ZNF438: variants seen among roughly 807,000 people sequenced by gnomAD.
ZNF438 encodes zinc finger protein 438.
ZNF438 carries 25 observed loss-of-function variants against 38.0 expected under a neutral mutation model. That is an observed-to-expected ratio of 0.66 (90% CI 0.48 to 0.92). ZNF438 has a LOEUF of 0.92. ZNF438 is among the 40% of genes least tolerant of loss of function. ZNF438 has a pLI of 0.00. For missense variants in ZNF438, 1,007 were observed against 999.6 expected, an observed-to-expected ratio of 1.01 and a Z score of -0.10; for synonymous variants, 372 against 364.1, an observed-to-expected ratio of 1.02 and a Z score of -0.25.
intron 2 of ZNF438, among the ~76,000 whole-genome samples, chr10:30,937,729 A>G (rs2046401928): frequency 6.6e-6 from 1 of 152,226 alleles, no homozygotes; most frequent in African/African-American, 2.4e-5. Flanking sequence ...AACTACACTT[A>G]AAAAGGTGGC....
intron 1 of ZNF438, among the ~76,000 whole-genome samples, chr10:30,974,844 T>A (rs1224379936): frequency 6.6e-6 from 1 of 152,152 alleles, no homozygotes; most frequent in East Asian, 1.9e-4. Flanking sequence ...CTCACAAAAG[T>A]TAAATGGTTT....
intron 1 of ZNF438, among the ~76,000 whole-genome samples, chr10:30,993,639 C>A (rs1209279247): frequency 6.6e-6 from 1 of 152,244 alleles, no homozygotes; most frequent in Non-Finnish European, 1.5e-5. Context: ...TAGGGCAATG[C>A]CTAGTGCAGC....
chr10:30,857,651 A>T (rs1029410597), intron 4 of ZNF438: 3 of 1,464,186 alleles, frequency 2.0e-6, no homozygotes, highest in African/African-American at 2.8e-5. Context: ...AAGCAAAAGC[A>T]TATTTTTATA....
chr10:30,947,563 C>T (rs1461311185), intron 1 of ZNF438, among the ~76,000 whole-genome samples: 1 of 152,278 alleles, frequency 6.6e-6, no homozygotes, highest in East Asian at 1.9e-4. Flanking sequence ...CCAGTTGGAG[C>T]TTCCCGGCTG....
rs569447866 is a variant in ZNF438, at chr10:30,882,787, G to A, written c.-31-5722C>T. On this transcript the variant is annotated intron_variant, in intron 3 of 5. Coordinates refer to ENST00000413025, the Ensembl canonical transcript of ZNF438. ...ATTCATTATCTTGATTATGATTAAG[G>A]TTCCAAGGGTATATACGTATATCAA... Among the ~76,000 whole-genome samples, 15 of 152,216 alleles carry A rather than the reference G, an allele frequency of 9.9e-5. No homozygotes were observed. The South Asian group carries it at 3.1e-3, about 32-fold the overall frequency.
intron 1 of ZNF438, among the ~76,000 whole-genome samples, chr10:31,017,580 T>C (rs1456561147): frequency 1.3e-5 from 2 of 152,236 alleles, no homozygotes; most frequent in Non-Finnish European, 2.9e-5. Flanking sequence ...AATCTGGTCA[T>C]AGATATTAAG....
chr10:30,845,418 C>G (rs1329204304), exon 6 of ZNF438: 2 of 1,614,136 alleles, frequency 1.2e-6, no homozygotes, highest in South Asian at 2.2e-5. Context: ...TTCTTGTAGC[C>G]TGCCCTCAAT....
chr10:30,859,642 CATA>C (rs2035259495), intron 4 of ZNF438, among the ~76,000 whole-genome samples: 1 of 152,248 alleles, frequency 6.6e-6, no homozygotes, highest in East Asian at 1.9e-4. Context: ...ATGAAATGGG[CATA>C]ATAATATCTG....
At position 30,922,183 on chromosome 10, in the gene ZNF438, C is replaced by T. The variant is rs114560991; in HGVS notation, c.-114-13168G>A. ...TCTATACTCTTATTAGTGTTAAAGA[C>T]GTATCTCTCTGGAGATTTCAGTGAG... On this transcript the variant is annotated intron_variant, in intron 2 of 5. Transcript: ENST00000413025. Among the ~76,000 whole-genome samples the T allele has an allele frequency of 6.4e-3, 978 of 152,204 alleles. 13 individuals carry two copies. Among genetic ancestry groups the T allele is most frequent in the African/African-American group, 0.022 (927 of 41,510 alleles).
chr10:30,942,379 C>G (rs770551238), intron 1 of ZNF438, among the ~76,000 whole-genome samples: 24 of 152,122 alleles, frequency 1.6e-4, no homozygotes, highest in Non-Finnish European at 3.4e-4. Context: ...GTGTAAGTTA[C>G]CATGAGAAAA....
intron 1 of ZNF438, among the ~76,000 whole-genome samples, chr10:30,951,459 G>A (rs1440071951): frequency 1.3e-5 from 2 of 152,098 alleles, no homozygotes; most frequent in Non-Finnish European, 1.5e-5. Context: ...AAGTCAAATT[G>A]TACCTGTTTG....
At chr10:30,866,608 G>A (rs2036466720) in intron 4 of ZNF438, among the ~76,000 whole-genome samples, 1 of 152,140 alleles carries the variant, frequency 6.6e-6, no homozygotes, top group South Asian at 2.1e-4. Context: ...GCCAAGGAAG[G>A]CAGATCACGA....
intron 1 of ZNF438, among the ~76,000 whole-genome samples, chr10:30,976,760 C>T (rs1277968014): frequency 6.7e-6 from 1 of 148,908 alleles, no homozygotes; most frequent in Non-Finnish European, 1.5e-5. Context: ...AAAAAGAAGT[C>T]ATATTACTCT....
intron 3 of ZNF438, among the ~76,000 whole-genome samples, chr10:30,901,615 G>T (rs2041992500): frequency 6.6e-6 from 1 of 152,286 alleles, no homozygotes; most frequent in East Asian, 1.9e-4. Flanking sequence ...GGTACTCACT[G>T]CTTGGCGATA....
intron 4 of ZNF438, among the ~76,000 whole-genome samples, chr10:30,876,581 T>C (rs2038455983): frequency 6.6e-6 from 1 of 152,242 alleles, no homozygotes; most frequent in Non-Finnish European, 1.5e-5. Context: ...ACAAATTCTA[T>C]ATCCTCTAAG....
In ZNF438 at chr10:30,912,096, G is replaced by T. The variant is rs576963097; in HGVS notation, c.-114-3081C>A. Among the ~76,000 whole-genome samples the T allele has an allele frequency of 4.6e-5, 7 of 151,914 alleles. No homozygotes were observed. In the South Asian group the frequency reaches 1.5e-3, roughly 32 times the overall value. On this transcript the variant is annotated intron_variant, in intron 2 of 5. Transcript: ENST00000413025. ...AATAACAGCAAAACAAAACCATTTGGCCCCACATCTCCCTCCAGCTATAGC... is the reference window on the plus strand; with the variant it reads ...AATAACAGCAAAACAAAACCATTTGTCCCCACATCTCCCTCCAGCTATAGC...
At chr10:30,986,142 C>T (rs3006359) in intron 1 of ZNF438, among the ~76,000 whole-genome samples, 113,184 of 152,118 alleles carry the variant, frequency 0.74, 42,968 homozygotes, top group African/African-American at 0.87. Context: ...CTCTATGATA[C>T]TTTCACAATG....
chr10:30,914,400 T>C (rs1351217134), intron 2 of ZNF438, among the ~76,000 whole-genome samples: 2 of 151,864 alleles, frequency 1.3e-5, no homozygotes, highest in Admixed American at 1.3e-4. Context: ...TTGACTGTAG[T>C]AGATACAAGA....
At chr10:30,885,043 GATT>G (rs2039774889) in intron 3 of ZNF438, among the ~76,000 whole-genome samples, 1 of 152,160 alleles carries the variant, frequency 6.6e-6, no homozygotes, top group Non-Finnish European at 1.5e-5. Flanking sequence ...TGTCAATCTA[GATT>G]ATTATTTCTA....
Sources: allele counts gnomAD v4.1 joint callset (sites outside exome capture counted in the v4.1 genomes callset), GRCh38; gene constraint gnomAD v4.1.1; transcripts MANE v1.5; gene names NCBI Gene and HGNC (gene_info 2026-07-23, HGNC 2026-07-21).